IPO7: variants seen among roughly 807,000 people sequenced by gnomAD.
The protein encoded by IPO7 is importin-7.
A neutral mutation model predicts 136.4 loss-of-function variants in IPO7; 13 were observed. The ratio of observed to expected loss-of-function variants is 0.10; its 90% CI spans 0.06 to 0.15. The LOEUF (loss-of-function observed/expected upper bound fraction) is 0.15. Among genes scored for constraint, IPO7 ranks in the 10% least tolerant of loss-of-function variants. The pLI is 1.00. For missense variants in IPO7, 857 were observed against 1,240.6 expected (o/e 0.69, Z 4.65); for synonymous variants, 403 against 404.4 (o/e 1.00, Z 0.04).
chr11:9,437,385 G>GCTGGGACTA (rs1855393834), intron 20 of IPO7, among the ~76,000 whole-genome samples: 1 of 144,600 alleles, frequency 6.9e-6, no homozygotes, highest in Non-Finnish European at 1.6e-5. Context: ...CTCCCAAGTA[G>GCTGGGACTA]CTGGGACTAC....
At chr11:9,433,426 A>G (rs1855327490) in intron 16 of IPO7, 144 bp from the exon 17 acceptor site, 1 of 564,072 alleles carries the variant, frequency 1.8e-6, no homozygotes, top group East Asian at 2.8e-5. Context: ...ACAATTTCAT[A>G]ATGTGTAAGT....
intron 19 of IPO7, among the ~76,000 whole-genome samples, chr11:9,435,464 T>G (rs1855356371): frequency 6.6e-6 from 1 of 152,214 alleles, no homozygotes; most frequent in Non-Finnish European, 1.5e-5. Flanking sequence ...TCCATCAATA[T>G]CAAAGTCAGT....
intron 10 of IPO7, among the ~76,000 whole-genome samples, chr11:9,424,329 T>C (rs1467272131): frequency 6.6e-6 from 1 of 152,226 alleles, no homozygotes; most frequent in Non-Finnish European, 1.5e-5. Flanking sequence ...GCTTGTACTT[T>C]TGTGACCCTG....
Position 9,445,313 on chromosome 11 carries a change from G to A in IPO7, c.*119G>A. On this transcript the variant is annotated 3_prime_UTR_variant, in exon 25 of 25. Transcript: ENST00000379719. Reference sequence around the variant, plus strand: ...ACTAATAATCAATAGATGGACAAAAGAAACAACAACCCCAGGAGATGGGAC... The same window carrying A: ...ACTAATAATCAATAGATGGACAAAAAAAACAACAACCCCAGGAGATGGGAC... The A allele has an allele frequency of 2.1e-5, 6 of 286,952 alleles. No individual in the cohort carries two copies. The highest frequency in any genetic ancestry group is 4.7e-5 in the Admixed American group (1 of 21,376). The allele number at this position is 286,952 out of a possible 1,614,324, so 17.8% of individuals were successfully genotyped here.
In IPO7 at chr11:9,426,575, C is replaced by T. The variant is rs185009952; in HGVS notation, c.1335+1313C>T. 8.9e-4 allele frequency among the ~76,000 whole-genome samples: 136 copies of T among 152,214 alleles called. 1 individual carries two copies. The highest frequency in any genetic ancestry group is 1.3e-3 in the Non-Finnish European group (89 of 68,022). On this transcript the variant is annotated intron_variant, in intron 12 of 24. Transcript: ENST00000379719. ...AGACACCGCAGAACCCATTTTCCAA[C>T]GTAGCTATACCATTTTATATTTCTG...
chr11:9,384,996 C>T (rs1195116921), intron 1 of IPO7, 149 bp downstream of exon 1: 3 of 638,628 alleles, frequency 4.7e-6, no homozygotes, highest in Non-Finnish European at 8.1e-6. Context: ...ACTTCCACGC[C>T]GGGGCGCCTC....
rs1340160471 is a variant in IPO7 at position 9,430,992 on chromosome 11, G to A, written c.1870G>A (p.Asp624Asn). ...TGATACACTTCTTAGTGTAGTTGAAGATCATAAAGAGGTAAGAAGATGATC... is the reference window on the plus strand; with the variant it reads ...TGATACACTTCTTAGTGTAGTTGAAAATCATAAAGAGGTAAGAAGATGATC... ...TIDTLLSVVE[D>N]HKEITQQLEG... The change falls in exon 16 of 25, where the codon GAT (aspartate) becomes AAT (asparagine). Residue 624 changes from aspartate (D) to asparagine (N), a missense_variant. This residue lies in a region of IPO7 where 190 missense variants were observed against 249.0 expected (regional missense o/e 0.76). Transcript: ENST00000379719. 1.2e-6 allele frequency: 2 copies of A among 1,612,952 alleles called. No individual in the cohort carries two copies. Among genetic ancestry groups the A allele is most frequent in the Non-Finnish European group, 1.7e-6 (2 of 1,179,186 alleles).
chr11:9,417,511 AT>A (rs1187836845), intron 6 of IPO7, among the ~76,000 whole-genome samples: 1 of 152,060 alleles, frequency 6.6e-6, no homozygotes, highest in Non-Finnish European at 1.5e-5. Context: ...GAAGAACTTG[AT>A]TTACAGATTG....
intron 6 of IPO7, among the ~76,000 whole-genome samples, chr11:9,418,445 A>T (rs1453752875): frequency 6.6e-6 from 1 of 152,198 alleles, no homozygotes; most frequent in East Asian, 1.9e-4. Flanking sequence ...CTTTTATTTT[A>T]AACTTACACA....
rs759383005 is a variant in IPO7 at position 9,409,905 on chromosome 11, T to C, written c.321-23T>C. The C allele has an allele frequency of 2.7e-6, 4 of 1,495,338 alleles. No homozygotes were observed. In the Admixed American group the frequency reaches 7.3e-5, roughly 27 times the overall value. 92.6% of individuals were successfully genotyped at this position (1,495,338 alleles called of 1,614,324 possible). A position where few individuals can be genotyped will look rare whatever the true frequency, so the allele number is the denominator to read the frequency against. ...TCTTACCTAGTTAGGATTTTTTCCT[T>C]ACTGTTTTTTTTTGGCTTCCAGGGT... On this transcript the variant is annotated intron_variant, in intron 3 of 24. Transcript: ENST00000379719.
At chr11:9,387,106 G>T (rs571793471) in intron 1 of IPO7, among the ~76,000 whole-genome samples, 3 of 152,168 alleles carry the variant, frequency 2.0e-5, no homozygotes, top group Non-Finnish European at 4.4e-5. Context: ...GAATGAGGAA[G>T]TAACATTTCT....
chr11:9,432,068 T>C (rs1377119736), intron 16 of IPO7, among the ~76,000 whole-genome samples: 1 of 152,196 alleles, frequency 6.6e-6, no homozygotes, highest in East Asian at 1.9e-4. Flanking sequence ...CTACTTCCTT[T>C]CTTCCCATAG....
At chr11:9,400,129 C>T (rs757317595) in intron 1 of IPO7, among the ~76,000 whole-genome samples, 10 of 152,108 alleles carry the variant, frequency 6.6e-5, no homozygotes, top group African/African-American at 1.7e-4. Context: ...GTAAATGCTA[C>T]GTAAATAGTT....
intron 24 of IPO7, 86 bp downstream of exon 24, chr11:9,442,283 T>G: frequency 1.7e-6 from 1 of 581,582 alleles, no homozygotes; most frequent in Non-Finnish European, 3.1e-6. Flanking sequence ...ATCATTAAAT[T>G]TTATCATTTA....
chr11:9,405,089 A>G (rs1854861648), intron 2 of IPO7, among the ~76,000 whole-genome samples: 1 of 152,184 alleles, frequency 6.6e-6, no homozygotes, highest in Non-Finnish European at 1.5e-5. Flanking sequence ...GGACTCTGCT[A>G]GGCAGATAGG....
At chr11:9,392,421 G>A (rs1393646698) in intron 1 of IPO7, 1 of 220,158 alleles carries the variant, frequency 4.5e-6, no homozygotes, top group Non-Finnish European at 9.4e-6. Flanking sequence ...GCCCACCTTG[G>A]TCTCCCTAAG....
intron 1 of IPO7, among the ~76,000 whole-genome samples, chr11:9,392,706 T>C (rs1487384445): frequency 6.6e-6 from 1 of 151,990 alleles, no homozygotes; most frequent in African/African-American, 2.4e-5. Flanking sequence ...CCCAGCACTT[T>C]GGGAGGCCAA....
At chr11:9,414,836 T>C (rs1227381508) in intron 5 of IPO7, among the ~76,000 whole-genome samples, 3 of 151,728 alleles carry the variant, frequency 2.0e-5, no homozygotes, top group Admixed American at 6.6e-5. Context: ...ATGTTGGTCA[T>C]GCTGGTCTCG....
intron 1 of IPO7, among the ~76,000 whole-genome samples, chr11:9,387,508 T>C (rs60199973): frequency 0.022 from 3,381 of 152,340 alleles, 124 homozygotes; most frequent in African/African-American, 0.076. Context: ...TAGCACTGAT[T>C]TGTCATACAT....
Sources: gnomAD v4.1 joint callset for allele counts (sites outside exome capture counted in the v4.1 genomes callset) on GRCh38, gnomAD v4.1.1 for gene constraint, gnomAD v4.1.1 regional missense constraint, MANE v1.5 for transcripts, NCBI Gene and HGNC (gene_info 2026-07-23, HGNC 2026-07-21) for gene names.